ERBB4: variants seen among roughly 807,000 people sequenced by gnomAD.
ERBB4 encodes erb-b2 receptor tyrosine kinase 4.
A neutral mutation model predicts 158.0 loss-of-function variants in ERBB4; 42 were observed. The ratio of observed to expected loss-of-function variants is 0.27; its 90% CI spans 0.21 to 0.34. The LOEUF (loss-of-function observed/expected upper bound fraction) is 0.34, where lower values mean the gene tolerates loss of function less well. Among genes scored for constraint, ERBB4 ranks in the 10% least tolerant of loss-of-function variants. The probability of loss-of-function intolerance (pLI) is 1.00; values close to 1 mark genes in which losing one functional copy is unlikely to be tolerated. For missense variants in ERBB4, 1,333 were observed against 1,624.1 expected (o/e 0.82, Z 3.08); for synonymous variants, 583 against 558.7 (o/e 1.04, Z -0.61).
chr2:211,681,641 GT>G (rs2072337610), intron 12 of ERBB4, among the ~76,000 whole-genome samples: 2 of 151,954 alleles, frequency 1.3e-5, no homozygotes, highest in Admixed American at 6.6e-5. Flanking sequence ...CTTTTAATGT[GT>G]TTATTTTTAC....
chr2:211,582,558 C>T (rs1420652576), intron 19 of ERBB4, among the ~76,000 whole-genome samples: 2 of 152,086 alleles, frequency 1.3e-5, no homozygotes, highest in East Asian at 3.8e-4. Context: ...CTTCAACTCT[C>T]AAAGAATTAT....
chr2:211,417,938 T>C (rs1031927955), intron 25 of ERBB4, among the ~76,000 whole-genome samples: 1 of 152,158 alleles, frequency 6.6e-6, no homozygotes, highest in African/African-American at 2.4e-5. Flanking sequence ...TACTCTGCAA[T>C]TTTTTAAAGT....
intron 1 of ERBB4, among the ~76,000 whole-genome samples, chr2:212,147,625 A>G (rs2080725624): frequency 6.6e-6 from 1 of 152,182 alleles, no homozygotes; most frequent in African/African-American, 2.4e-5. Context: ...ATGAGAAAGG[A>G]AAGAAGCATC....
intron 19 of ERBB4, among the ~76,000 whole-genome samples, chr2:211,572,252 C>A (rs1455301385): frequency 6.6e-6 from 1 of 152,044 alleles, no homozygotes; most frequent in Admixed American, 6.5e-5. Context: ...TAACATTGCA[C>A]GTACTCAATA....
chr2:212,151,167 A>T (rs1431530437), intron 1 of ERBB4, among the ~76,000 whole-genome samples: 1 of 151,966 alleles, frequency 6.6e-6, no homozygotes, highest in Non-Finnish European at 1.5e-5. Context: ...CTAAAAATAT[A>T]CATAGGTTAA....
chr2:211,775,265 A>G (rs762434644), intron 4 of ERBB4, among the ~76,000 whole-genome samples: 2 of 152,124 alleles, frequency 1.3e-5, no homozygotes, highest in Admixed American at 1.3e-4. Flanking sequence ...GCTGTTCTTG[A>G]GTAGCTCGTC....
intron 3 of ERBB4, among the ~76,000 whole-genome samples, chr2:211,868,238 AGATACACAGGATCTAGAGAATG>A (rs1448550266): frequency 6.6e-6 from 1 of 152,176 alleles, no homozygotes; most frequent in Non-Finnish European, 1.5e-5. Context: ...CTGGACAGGA[AGATACACAGGATCTAGAGAATG>A]GGAGGTTTTA....
At chr2:211,958,832 C>A (rs1251638485) in intron 2 of ERBB4, among the ~76,000 whole-genome samples, 1 of 151,998 alleles carries the variant, frequency 6.6e-6, no homozygotes. Context: ...GTAACTGCAG[C>A]ATGCTTCAGA....
chr2:211,515,254 G>A (rs922660214), intron 20 of ERBB4, among the ~76,000 whole-genome samples: 1 of 152,070 alleles, frequency 6.6e-6, no homozygotes, highest in African/African-American at 2.4e-5. Context: ...CCATCACCCT[G>A]GTGAATTTGG....
At chr2:212,099,010 G>T (rs182552067) in intron 2 of ERBB4, among the ~76,000 whole-genome samples, 38 of 152,128 alleles carry the variant, frequency 2.5e-4, no homozygotes, top group Non-Finnish European at 5.3e-4. Flanking sequence ...GCTGGGCACT[G>T]TGGCTCATGC....
At chr2:212,011,997 T>G (rs2125307722) in intron 2 of ERBB4, among the ~76,000 whole-genome samples, 1 of 152,324 alleles carries the variant, frequency 6.6e-6, no homozygotes, top group Admixed American at 6.5e-5. Context: ...CCATTTCGGT[T>G]ACCGTGAAGA....
In ERBB4 at chr2:211,673,517, C is replaced by CAA. The variant is rs71054125; in HGVS notation, c.1623-262_1623-261dup. ...CCTGCAAGACATATTCCAGCAATCTCAAAAAAAAAAAAAGCTACAAAGTAT... is the reference window on the plus strand; with the variant it reads ...CCTGCAAGACATATTCCAGCAATCTCAAAAAAAAAAAAAAAGCTACAAAGTAT... On this transcript the variant is annotated intron_variant, in intron 13 of 27. Transcript: ENST00000342788. Among the ~76,000 whole-genome samples the CAA allele has an allele frequency of 3.3e-4, 18 of 54,100 alleles. 4 individuals carry two copies. The highest frequency in any genetic ancestry group is 1.6e-3 in the South Asian group (3 of 1,930). 35.5% of individuals were successfully genotyped at this position (54,100 alleles called of 152,430 possible).
At chr2:211,923,685 G>A (rs1190078497) in intron 3 of ERBB4, among the ~76,000 whole-genome samples, 1 of 152,000 alleles carries the variant, frequency 6.6e-6, no homozygotes, top group Non-Finnish European at 1.5e-5. Flanking sequence ...AGTAGATCTG[G>A]CTTTTTAGAG....
intron 25 of ERBB4, among the ~76,000 whole-genome samples, chr2:211,394,304 C>A (rs1370072455): frequency 6.6e-6 from 1 of 152,152 alleles, no homozygotes; most frequent in Non-Finnish European, 1.5e-5. Context: ...ATTGTGTCAC[C>A]CTTCTTGAGA....
rs561647554 is a variant in ERBB4 at position 212,204,719 on chromosome 2, A to C, written c.83-79816T>G. ...CCCCCACAAAAAAAACAAAAAAAAA[A>C]ACAGTATTTATGATTGTCTTCCAGA... On this transcript the variant is annotated intron_variant, in intron 1 of 27. Transcript: ENST00000342788. Among the ~76,000 whole-genome samples the C allele has an allele frequency of 5.9e-5, 9 of 151,884 alleles. No homozygotes were observed. The South Asian group carries it at 6.2e-4, about 11-fold the overall frequency.
rs761554235 is a variant in ERBB4, at chr2:212,453,809, G to T, written c.82+84640C>A. 5.3e-4 allele frequency among the ~76,000 whole-genome samples: 80 copies of T among 152,166 alleles called. 1 individual carries two copies. Among genetic ancestry groups the T allele is most frequent in the Non-Finnish European group, 1.0e-3 (69 of 68,046 alleles). On this transcript the variant is annotated intron_variant, in intron 1 of 27. Coordinates refer to ENST00000342788, the MANE Select transcript of ERBB4 (RefSeq NM_005235.3). ...TTAATCATGTTTAACATATTTAAAC[G>T]TAGTTTTATCAACCTGTCAGACATC... is the stretch of plus-strand genomic sequence containing the variant.
At chr2:212,118,921 T>G (rs571642731) in intron 2 of ERBB4, among the ~76,000 whole-genome samples, 1 of 152,034 alleles carries the variant, frequency 6.6e-6, no homozygotes, top group African/African-American at 2.4e-5. Context: ...TTTCTGACTT[T>G]TTCAAAGTCA....
At chr2:211,626,285 T>C (rs2125863170) in intron 17 of ERBB4, among the ~76,000 whole-genome samples, 1 of 152,318 alleles carries the variant, frequency 6.6e-6, no homozygotes, top group South Asian at 2.1e-4. Context: ...TTACAGTGCA[T>C]CTCAGTAAGC....
At chr2:211,852,828 T>C (rs2106038985) in intron 3 of ERBB4, among the ~76,000 whole-genome samples, 1 of 152,076 alleles carries the variant, frequency 6.6e-6, no homozygotes, top group Admixed American at 6.6e-5. Flanking sequence ...CTCAGCTCAA[T>C]ACTACCTAAA....
Sources: gnomAD v4.1 joint callset for allele counts (sites outside exome capture counted in the v4.1 genomes callset) on GRCh38, gnomAD v4.1.1 for gene constraint, MANE v1.5 for transcripts, NCBI Gene and HGNC (gene_info 2026-07-23, HGNC 2026-07-21) for gene names.